UBN1: variants seen among roughly 807,000 people sequenced by gnomAD.
The protein encoded by UBN1 is ubinuclein 1.
A neutral mutation model predicts 108.5 loss-of-function variants in UBN1; 17 were observed. The ratio of observed to expected loss-of-function variants is 0.16; its 90% CI spans 0.11 to 0.24. UBN1 has a LOEUF of 0.24. UBN1 is among the 10% of genes least tolerant of loss of function. The probability of loss-of-function intolerance (pLI) is 1.00; values close to 1 mark genes in which losing one functional copy is unlikely to be tolerated. For missense variants in UBN1, 1,595 were observed against 1,394.4 expected (o/e 1.14, Z -2.29); for synonymous variants, 726 against 564.2 (o/e 1.29, Z -4.07).
In UBN1 at chr16:4,847,711, G is replaced by T. The variant is rs1332759261; in HGVS notation, c.-539G>T. 5.8e-6 allele frequency: 1 copy of T among 171,970 alleles called. No individual in the cohort carries two copies. The highest frequency in any genetic ancestry group is 1.2e-5 in the Non-Finnish European group (1 of 81,478). 10.7% of individuals were successfully genotyped at this position (171,970 alleles called of 1,614,324 possible). ...GCCCGAGGCGCTGGTCGGCCCCGTC[G>T]CAGCGCCAGTGAGCTACCCTGACGG... On this transcript the variant is annotated 5_prime_UTR_variant, in exon 1 of 18. Transcript: ENST00000262376.
At chr16:4,861,859 T>C (rs1414252146) in intron 7 of UBN1, among the ~76,000 whole-genome samples, 2 of 152,206 alleles carry the variant, frequency 1.3e-5, no homozygotes, top group Non-Finnish European at 2.9e-5. Context: ...GCAGAATCGC[T>C]TGAACCCAGG....
Position 4,847,563 on chromosome 16 carries a change from G to C in UBN1, c.-687G>C. ...GGCGGCGGCGACGGTGCGACCGGCT[G>C]AGCGCGAGAGGGAGCCGGCCTCGCG... On this transcript the variant is annotated 5_prime_UTR_variant, in exon 1 of 18. Coordinates refer to ENST00000262376, the MANE Select transcript of UBN1 (RefSeq NM_001079514.3). 2.4e-6 allele frequency: 1 copy of C among 416,260 alleles called. No individual in the cohort carries two copies. The highest frequency in any genetic ancestry group is 4.3e-6 in the Non-Finnish European group (1 of 233,310). The allele number at this position is 416,260 out of a possible 1,614,324, so 25.8% of individuals were successfully genotyped here.
At chr16:4,868,322 A>T (rs537239561) in intron 7 of UBN1, among the ~76,000 whole-genome samples, 5 of 152,222 alleles carry the variant, frequency 3.3e-5, no homozygotes, top group Non-Finnish European at 5.9e-5. Flanking sequence ...GGTCTGGCTA[A>T]TAGAGAGCTC....
intron 12 of UBN1, among the ~76,000 whole-genome samples, chr16:4,871,648 A>G (rs1567943248): frequency 1.6e-5 from 2 of 121,998 alleles, no homozygotes; most frequent in South Asian, 5.2e-4. Context: ...GTGCAGTGGT[A>G]TGATCTCAGC....
chr16:4,867,370 A>G (rs572013588), intron 7 of UBN1, among the ~76,000 whole-genome samples: 2 of 152,000 alleles, frequency 1.3e-5, no homozygotes, highest in African/African-American at 4.8e-5. Flanking sequence ...ATGTGGGTTG[A>G]TTTGAGGGAT....
At chr16:4,856,417 A>G (rs2086812961) in intron 2 of UBN1, among the ~76,000 whole-genome samples, 2 of 152,226 alleles carry the variant, frequency 1.3e-5, no homozygotes, top group Admixed American at 6.5e-5. Context: ...ATAGTCCTTA[A>G]TAGTATGAAG....
Position 4,859,896 on chromosome 16 carries a change from T to C in UBN1, c.599T>C (p.Ile200Thr), listed in dbSNP as rs1555512148. ...KRKLKEGGEK[I>T]KKKKKDDTYD... is the part of the protein sequence containing the mutation. The stretch of plus-strand genomic sequence containing the variant: ...AAGTTGAAGGAAGGTGGTGAGAAGA[T>C]AAAGAAGAAGAAAAAAGATGACACT... The change falls in exon 6 of 18, where the codon ATA (isoleucine) becomes ACA (threonine). Residue 200 changes from isoleucine (I) to threonine (T), a missense_variant. Physicochemically the swap from Ile to Thr is moderately conservative, Grantham distance 89 (BLOSUM62 -1). Transcript: ENST00000262376. 6.2e-7 allele frequency: 1 copy of C among 1,614,034 alleles called. No homozygotes were observed. The highest frequency in any genetic ancestry group is 1.7e-5 in the Admixed American group (1 of 60,020).
rs1203505598 is a variant in UBN1, at chr16:4,877,378, C to T, written c.3266-7C>T. On this transcript the variant is annotated splice_polypyrimidine_tract_variant and splice_region_variant and intron_variant, in intron 16 of 17. Transcript: ENST00000262376. The surrounding 1 kb of genome is among the most constrained non-coding windows in gnomAD (Gnocchi z 4.3). Reference sequence around the variant, plus strand: ...TTGTTCTTTTCTCCCCTCCTGTTTTCTCTCAGGTCTTCTGGCTGGCTTGCA... The same window carrying T: ...TTGTTCTTTTCTCCCCTCCTGTTTTTTCTCAGGTCTTCTGGCTGGCTTGCA... The T allele has an allele frequency of 1.2e-6, 2 of 1,608,392 alleles. No individual in the cohort carries two copies. Among genetic ancestry groups the T allele is most frequent in the Non-Finnish European group, 1.7e-6 (2 of 1,177,124 alleles).
chr16:4,871,712 G>A (rs1160194204), intron 12 of UBN1, among the ~76,000 whole-genome samples: 2 of 147,784 alleles, frequency 1.4e-5, no homozygotes, highest in Non-Finnish European at 3.0e-5. Flanking sequence ...TCAACCTCCC[G>A]AGTAGCTGGG....
At position 4,875,356 on chromosome 16, in the gene UBN1, G is replaced by A. The variant is rs1311980057; in HGVS notation, c.2946G>A (p.Gln982=). ...GPNGDSSGGT[Q]GVAKLLTSPS... is the part of the protein sequence containing the mutation. ...ACGGAGATTCCAGTGGTGGGACCCA[G>A]GGAGTGGCAAAGTTGCTGACCTCGC... Residue 982 remains glutamine (Q), a synonymous_variant, in exon 15 of 18, where the codon CAG becomes CAA. Transcript: ENST00000262376. The A allele has an allele frequency of 1.2e-6, 2 of 1,614,236 alleles. No homozygotes were observed. Among genetic ancestry groups the A allele is most frequent in the Admixed American group, 1.7e-5 (1 of 60,036 alleles).
intron 7 of UBN1, among the ~76,000 whole-genome samples, chr16:4,861,319 GA>G (rs1344775586): frequency 6.6e-6 from 1 of 152,174 alleles, no homozygotes; most frequent in East Asian, 1.9e-4. Flanking sequence ...TTCATTTCTG[GA>G]AAATTTGCTT....
intron 2 of UBN1, 54 bp downstream of exon 2, chr16:4,853,220 C>T: frequency 6.3e-7 from 1 of 1,591,284 alleles, no homozygotes; most frequent in Non-Finnish European, 8.6e-7. Context: ...GGGGTCAGTG[C>T]ATGCATGTGG....
chr16:4,873,917 C>T (rs1178160409), intron 14 of UBN1, among the ~76,000 whole-genome samples: 1 of 152,182 alleles, frequency 6.6e-6, no homozygotes, highest in East Asian at 1.9e-4. Context: ...TCACGAGAGT[C>T]TTAACGCTTT....
Position 4,881,611 on chromosome 16 carries a change from G to C in UBN1, c.*1479G>C, listed in dbSNP as rs1189384674. ...TAACTCATCCTTCATTCAGAGGTTT[G>C]CTGGCCTTCCCGGTTTCCCAAGGAG... On this transcript the variant is annotated 3_prime_UTR_variant, in exon 18 of 18. Transcript: ENST00000262376. 6.6e-6 allele frequency: 1 copy of C among 152,172 alleles called. No individual in the cohort carries two copies. The highest frequency in any genetic ancestry group is 1.5e-5 in the Non-Finnish European group (1 of 68,044). 9.4% of individuals were successfully genotyped at this position (152,172 alleles called of 1,614,324 possible). A position where few individuals can be genotyped will look rare whatever the true frequency, so the allele number is the denominator to read the frequency against.
At chr16:4,866,345 T>G (rs2087331627) in intron 7 of UBN1, among the ~76,000 whole-genome samples, 1 of 152,162 alleles carries the variant, frequency 6.6e-6, no homozygotes, top group East Asian at 1.9e-4. Context: ...CGCATTTTCT[T>G]CTGACTTAGT....
Position 4,880,074 on chromosome 16 carries a change from C to G in UBN1, c.3356-9C>G. The stretch of plus-strand genomic sequence containing the variant: ...AACTTGCGTTCTAATTTTTCTTACT[C>G]TTTTCCAGGTGCTTCTCAGCTTCAC... On this transcript the variant is annotated splice_polypyrimidine_tract_variant and intron_variant, in intron 17 of 17. Transcript: ENST00000262376. 4 of 1,614,022 alleles carry G rather than the reference C, an allele frequency of 2.5e-6. No individual in the cohort carries two copies. The highest frequency in any genetic ancestry group is 2.2e-5 in the East Asian group (1 of 44,884).
intron 2 of UBN1, among the ~76,000 whole-genome samples, chr16:4,853,950 CCTT>C (rs2086674757): frequency 1.3e-5 from 2 of 152,294 alleles, no homozygotes; most frequent in African/African-American, 4.8e-5. Context: ...CAGAAACCCT[CCTT>C]CTGCCCTGCC....
At chr16:4,849,246 C>T (rs79392591) in intron 1 of UBN1, among the ~76,000 whole-genome samples, 1 of 152,108 alleles carries the variant, frequency 6.6e-6, no homozygotes, top group Non-Finnish European at 1.5e-5. Context: ...AAAGTTCTAG[C>T]CAGTGCAGTA....
intron 15 of UBN1, 66 bp downstream of exon 15, chr16:4,875,500 C>T (rs1056234203): frequency 1.9e-6 from 3 of 1,540,626 alleles, no homozygotes; most frequent in Non-Finnish European, 2.6e-6. Context: ...AGGTTGCTTG[C>T]CTTGCCCCGG....
Sources: gnomAD v4.1 joint callset for allele counts (sites outside exome capture counted in the v4.1 genomes callset) on GRCh38, gnomAD v4.1.1 for gene constraint, Gnocchi (gnomAD v3.1) non-coding constraint, MANE v1.5 for transcripts, NCBI Gene and HGNC (gene_info 2026-07-23, HGNC 2026-07-21) for gene names.